Variants in KCNMB2 observed in about 807,000 individuals in gnomAD.
The protein encoded by KCNMB2 is potassium calcium-activated channel subfamily M regulatory beta subunit 2.
Under a neutral mutation model 24.5 loss-of-function variants are expected in KCNMB2, and 9 were observed. The observed-to-expected ratio is 0.37, with a 90% CI of 0.22 to 0.64. KCNMB2 has a LOEUF of 0.64. Among genes scored for constraint, KCNMB2 ranks in the 30% least tolerant of loss-of-function variants. KCNMB2 has a pLI of 0.63. For synonymous variants in KCNMB2, 109 were observed against 104.4 expected (o/e 1.04, Z -0.27); for missense variants, 226 against 284.3 (o/e 0.79, Z 1.47).
intron 1 of KCNMB2, among the ~76,000 whole-genome samples, chr3:178,548,138 T>A (rs919524428): frequency 6.6e-6 from 1 of 152,212 alleles, no homozygotes; most frequent in East Asian, 1.9e-4. Flanking sequence ...TACCCTCATA[T>A]TTTTCAAAGT....
rs1204266213 is a variant in KCNMB2 at position 178,536,598 on chromosome 3, G to T, written c.-181G>T. ...GTTGTGACATTAATGGTCCACAAAG[G>T]CTTTAGGCACAAGAGGTAATGATGA... On this transcript the variant is annotated 5_prime_UTR_variant, in exon 1 of 5. Transcript: ENST00000452583. 6.6e-6 allele frequency: 1 copy of T among 152,174 alleles called. No homozygotes were observed. Among genetic ancestry groups the T allele is most frequent in the African/African-American group, 2.4e-5 (1 of 41,444 alleles). The allele number at this position is 152,174 out of a possible 1,614,324, so 9.4% of individuals were successfully genotyped here.
chr3:178,599,994 C>T (rs1718022135), intron 1 of KCNMB2, among the ~76,000 whole-genome samples: 1 of 152,192 alleles, frequency 6.6e-6, no homozygotes, highest in Admixed American at 6.5e-5. Flanking sequence ...TCTCCTGCCT[C>T]AGCCTCCCAA....
At chr3:178,689,506 G>A (rs949904868) in intron 1 of KCNMB2, among the ~76,000 whole-genome samples, 5 of 151,944 alleles carry the variant, frequency 3.3e-5, no homozygotes, top group African/African-American at 1.2e-4. Flanking sequence ...CGTGGTGGTG[G>A]GCGCCTGTAG....
At chr3:178,807,746 A>G (rs550755227) in intron 2 of KCNMB2, among the ~76,000 whole-genome samples, 3 of 152,218 alleles carry the variant, frequency 2.0e-5, no homozygotes, top group African/African-American at 7.2e-5. Flanking sequence ...TCAGATATCA[A>G]TAAGAACCAC....
Position 178,691,107 on chromosome 3 carries a change from C to CTTTTTTTTTTT in KCNMB2, c.-67-116226_-67-116216dup, listed in dbSNP as rs71181241. On this transcript the variant is annotated intron_variant, in intron 1 of 4. Transcript: ENST00000452583. ...TGTACAGCATAATTCCCCATTAAGT[C>CTTTTTTTTTTT]TTTTTTTTTTTTTTTTTTTTGATAG... 9.9e-4 allele frequency among the ~76,000 whole-genome samples: 79 copies of CTTTTTTTTTTT among 79,718 alleles called. 3 individuals are homozygous for CTTTTTTTTTTT. The highest frequency in any genetic ancestry group is 4.6e-3 in the South Asian group (9 of 1,948). The allele number at this position is 79,718 out of a possible 152,430, so 52.3% of individuals were successfully genotyped here.
chr3:178,669,253 C>G (rs368242095), intron 1 of KCNMB2, among the ~76,000 whole-genome samples: 1 of 152,102 alleles, frequency 6.6e-6, no homozygotes, highest in South Asian at 2.1e-4. Flanking sequence ...TTATTAATAG[C>G]AGCTGCGACC....
intron 1 of KCNMB2, among the ~76,000 whole-genome samples, chr3:178,666,865 A>T (rs1485496048): frequency 6.6e-6 from 1 of 152,156 alleles, no homozygotes; most frequent in Non-Finnish European, 1.5e-5. Flanking sequence ...GTGATTGAGC[A>T]GGGATTTGTC....
intron 1 of KCNMB2, among the ~76,000 whole-genome samples, chr3:178,738,198 A>C (rs1723378870): frequency 1.3e-5 from 2 of 151,882 alleles, no homozygotes; most frequent in South Asian, 4.2e-4. Flanking sequence ...TAATCCTAAC[A>C]CCTTCTCACT....
intron 1 of KCNMB2, among the ~76,000 whole-genome samples, chr3:178,671,638 G>A (rs1427189541): frequency 6.6e-6 from 1 of 152,144 alleles, no homozygotes; most frequent in Non-Finnish European, 1.5e-5. Flanking sequence ...GGGCTTAACA[G>A]AGAGCAGAGA....
intron 1 of KCNMB2, among the ~76,000 whole-genome samples, chr3:178,642,776 C>A (rs1194030588): frequency 6.6e-6 from 1 of 152,230 alleles, no homozygotes; most frequent in Non-Finnish European, 1.5e-5. Context: ...TGGCAGCATG[C>A]AAATGCAGTT....
At chr3:178,586,335 A>C (rs1269642346) in intron 1 of KCNMB2, among the ~76,000 whole-genome samples, 3 of 152,138 alleles carry the variant, frequency 2.0e-5, no homozygotes, top group Non-Finnish European at 1.5e-5. Flanking sequence ...GACAGGAAAA[A>C]AAAAGAAACA....
intron 1 of KCNMB2, among the ~76,000 whole-genome samples, chr3:178,766,399 G>C (rs961952261): frequency 1.3e-5 from 2 of 152,036 alleles, no homozygotes; most frequent in Non-Finnish European, 2.9e-5. Flanking sequence ...TCACTGTGTT[G>C]CCCAGGCTGA....
chr3:178,541,078 C>T (rs1307590206), intron 1 of KCNMB2, among the ~76,000 whole-genome samples: 1 of 152,154 alleles, frequency 6.6e-6, no homozygotes, highest in African/African-American at 2.4e-5. Flanking sequence ...AGAGTCAGAG[C>T]TCTGTGTCAT....
At position 178,695,058 on chromosome 3, in the gene KCNMB2, T is replaced by C. The variant is rs568491211; in HGVS notation, c.-67-112285T>C. Among the ~76,000 whole-genome samples, 3 of 152,378 alleles carry C rather than the reference T, an allele frequency of 2.0e-5. No individual in the cohort carries two copies. In the East Asian group the frequency reaches 5.8e-4, roughly 29 times the overall value. The stretch of plus-strand genomic sequence containing the variant: ...CATCCAGGCATTTCTATACGTCCTC[T>C]GAAATCTAGGCAGAGGTTCCCAAAC... On this transcript the variant is annotated intron_variant, in intron 1 of 4. Coordinates refer to ENST00000452583, the MANE Select transcript of KCNMB2 (RefSeq NM_181361.3).
At chr3:178,573,855 T>C (rs1231408358) in intron 1 of KCNMB2, among the ~76,000 whole-genome samples, 1 of 150,870 alleles carries the variant, frequency 6.6e-6, no homozygotes, top group African/African-American at 2.4e-5. Flanking sequence ...TAGTGTTTAA[T>C]AGAAAAATGT....
At chr3:178,709,452 C>T (rs1722382158) in intron 1 of KCNMB2, among the ~76,000 whole-genome samples, 1 of 152,156 alleles carries the variant, frequency 6.6e-6, no homozygotes, top group East Asian at 1.9e-4. Flanking sequence ...TAATTTTACA[C>T]TGGTTTTCTG....
intron 4 of KCNMB2, among the ~76,000 whole-genome samples, chr3:178,830,186 T>A (rs1170149851): frequency 6.6e-6 from 1 of 152,216 alleles, no homozygotes; most frequent in Non-Finnish European, 1.5e-5. Flanking sequence ...TTTTGCCTCA[T>A]TTTTAAGCAT....
intron 1 of KCNMB2, among the ~76,000 whole-genome samples, chr3:178,732,720 T>C (rs1723192305): frequency 6.6e-6 from 1 of 152,180 alleles, no homozygotes; most frequent in Non-Finnish European, 1.5e-5. Context: ...ATAAAGTGCA[T>C]TTAAACAAAA....
chr3:178,802,736 C>A (rs530844728), intron 1 of KCNMB2, among the ~76,000 whole-genome samples: 1 of 152,096 alleles, frequency 6.6e-6, no homozygotes, highest in African/African-American at 2.4e-5. Context: ...TAATGTGTGA[C>A]CAGCATTCAG....
Sources: allele counts gnomAD v4.1 joint callset (sites outside exome capture counted in the v4.1 genomes callset), GRCh38; gene constraint gnomAD v4.1.1; transcripts MANE v1.5; gene names NCBI Gene and HGNC (gene_info 2026-07-23, HGNC 2026-07-21).